The following ABCC10 variants were observed in gnomAD, a reference collection of about 807,000 sequenced individuals.
ABCC10 encodes the protein ATP-binding cassette sub-family C member 10.
Under a neutral mutation model 143.2 loss-of-function variants are expected in ABCC10, and 110 were observed. The ratio of observed to expected loss-of-function variants is 0.77; its 90% CI spans 0.66 to 0.90. The LOEUF is 0.90. ABCC10 is among the 40% of genes least tolerant of loss of function. ABCC10 has a pLI of 0.00. For synonymous variants in ABCC10, 805 were observed against 846.7 expected, an observed-to-expected ratio of 0.95 and a Z score of 0.85; for missense variants, 1,700 against 1,900.5, an observed-to-expected ratio of 0.89 and a Z score of 1.96.
In ABCC10 at chr6:43,432,741, T is replaced by G; in HGVS notation, c.761T>G (p.Leu254Arg). 6.2e-7 allele frequency: 1 copy of G among 1,614,164 alleles called. No individual in the cohort carries two copies. Among genetic ancestry groups the G allele is most frequent in the Non-Finnish European group, 8.5e-7 (1 of 1,180,020 alleles). Residue 254 changes from leucine (L) to arginine (R), a missense_variant, in exon 3 of 22, where the codon CTG becomes CGG. Leu to Arg is a moderately radical substitution (Grantham distance 102). Transcript: ENST00000372530. Reference protein sequence around the residue: ...PQDICRLPHRLQPTYLARVFQ... With the variant: ...PQDICRLPHRRQPTYLARVFQ... Reference sequence around the variant, plus strand: ...GACATTTGCCGCCTCCCCCACAGACTGCAGCCAACCTACCTGGCTCGTGTC... The same window carrying G: ...GACATTTGCCGCCTCCCCCACAGACGGCAGCCAACCTACCTGGCTCGTGTC...
In ABCC10 at chr6:43,446,419, C is replaced by T; in HGVS notation, c.3517C>T (p.Gln1173Ter). 1 of 1,611,946 alleles carries T rather than the reference C, an allele frequency of 6.2e-7. No homozygotes were observed. Among genetic ancestry groups the T allele is most frequent in the Non-Finnish European group, 8.5e-7 (1 of 1,179,698 alleles). Residue 1173 changes from glutamine (Q) to a stop codon, truncating the protein, a stop_gained, in exon 16 of 22, where the codon CAG becomes TAG. Transcript: ENST00000372530. LOFTEE classifies it high-confidence loss of function. ...CGCTATCGCAGGCATCGCTCTGGTG[C>T]AGCACCAGCAGGGCCTCGCTAACCC... ...VSAIAGIALV[Q>*]HQQGLANPGL...
intron 21 of ABCC10, 123 bp from the exon 22 acceptor site, chr6:43,449,806 A>G (rs1003196651): frequency 3.9e-5 from 48 of 1,215,340 alleles, no homozygotes; most frequent in Non-Finnish European, 5.6e-5. Flanking sequence ...GCACCAAGCC[A>G]GGGGCTAAAG....
At chr6:43,438,568 C>T in intron 7 of ABCC10, 56 bp from the exon 8 acceptor site, 1 of 1,590,508 alleles carries the variant, frequency 6.3e-7, no homozygotes, top group Admixed American at 1.7e-5. Context: ...AAGGGCTGGG[C>T]ATGGAGGGAC....
At chr6:43,429,069 T>C (rs1051991903) in intron 2 of ABCC10, among the ~76,000 whole-genome samples, 2 of 152,166 alleles carry the variant, frequency 1.3e-5, no homozygotes, top group African/African-American at 4.8e-5. Flanking sequence ...TCAATAGAAA[T>C]TGTGCTTCAC....
chr6:43,450,765 G>T, downstream of ABCC10: 3 of 1,614,202 alleles, frequency 1.9e-6, no homozygotes, highest in Non-Finnish European at 2.5e-6. The surrounding 1 kb of genome is among the most constrained non-coding windows in gnomAD (Gnocchi z 4.5). Flanking sequence ...CACCACCAGG[G>T]CCACCAAGCT....
chr6:43,430,087 G>GA (rs944969591), intron 2 of ABCC10, among the ~76,000 whole-genome samples: 1 of 151,132 alleles, frequency 6.6e-6, no homozygotes, highest in Non-Finnish European at 1.5e-5. Flanking sequence ...GCCAGAAATA[G>GA]AAAAAAATTT....
chr6:43,438,465 G>C, intron 7 of ABCC10, 159 bp from the exon 8 acceptor site: 11 of 1,434,998 alleles, frequency 7.7e-6, no homozygotes, highest in Non-Finnish European at 1.0e-5. Context: ...GCTTCATTAG[G>C]ACCCCTTGAC....
chr6:43,444,366 C>A lies in ABCC10; in HGVS notation c.2689+13C>A. On this transcript the variant is annotated intron_variant, in intron 12 of 21. Transcript: ENST00000372530. ...CTTCTCATGCAAGGTGAGAGCGTGC[C>A]TGGGAGTCTCTTACATCGTAACGGC... The A allele has an allele frequency of 6.3e-7, 1 of 1,588,736 alleles. No individual in the cohort carries two copies. Among genetic ancestry groups the A allele is most frequent in the South Asian group, 1.1e-5 (1 of 87,284 alleles).
chr6:43,450,557 T>G, downstream of ABCC10: 1 of 1,566,300 alleles, frequency 6.4e-7, no homozygotes, highest in Non-Finnish European at 8.7e-7. This position sits in a 1 kb window ranked among gnomAD's most constrained non-coding sequence, Gnocchi z 4.5. Context: ...CTGTGGTCTT[T>G]CCAGGCTCAG....
chr6:43,429,346 TTTCTTTTC>T (rs1780846471), intron 2 of ABCC10, among the ~76,000 whole-genome samples: 2 of 71,402 alleles, frequency 2.8e-5, no homozygotes, highest in African/African-American at 1.0e-4. Context: ...CTTTTCCTTC[TTTCTTTTC>T]TTTCTTTCTT....
chr6:43,428,271 A>G (rs1196605064), intron 2 of ABCC10, 132 bp downstream of exon 2: 8 of 1,080,038 alleles, frequency 7.4e-6, no homozygotes, highest in Non-Finnish European at 1.0e-5. Context: ...AAATCTAAGC[A>G]TTGCTACTTA....
At position 43,444,874 on chromosome 6, in the gene ABCC10, A is replaced by ACCAGC; in HGVS notation, c.2782_2786dup (p.Ser930GlnfsTer50). ...TAGCTCCCAGGAGGCGCAACCCTCCACCAGCCCAGCTTCTATGGGGCTCTT... is the reference window on the plus strand; with the variant it reads ...TAGCTCCCAGGAGGCGCAACCCTCCACCAGCCCAGCCCAGCTTCTATGGGGCTCTT... On this transcript the variant is annotated frameshift_variant, in exon 13 of 22. Transcript: ENST00000372530. LOFTEE classifies it high-confidence loss of function. 1 of 1,613,914 alleles carries ACCAGC rather than the reference A, an allele frequency of 6.2e-7. No individual in the cohort carries two copies. Among genetic ancestry groups the ACCAGC allele is most frequent in the Non-Finnish European group, 8.5e-7 (1 of 1,179,934 alleles).
chr6:43,450,442 C>G (rs997782986), downstream of ABCC10: 8 of 1,376,582 alleles, frequency 5.8e-6, no homozygotes, highest in Middle Eastern at 2.4e-4. The surrounding 1 kb of genome is among the most constrained non-coding windows in gnomAD (Gnocchi z 4.5). Flanking sequence ...GAGGTCTCCT[C>G]TGTGTGTGTA....
At position 43,432,362 on chromosome 6, in the gene ABCC10, G is replaced by A; in HGVS notation, c.382G>A (p.Gly128Ser). ...GTGGGTGTTGGCACATTCCCCTCAT[G>A]GCCACTCCCGGGGTCCCTTGGCCTT... ...ALWVLAHSPH[G>S]HSRGPLALAL... Residue 128 changes from glycine to serine, a missense_variant, in exon 3 of 22, where the codon GGC (glycine) becomes AGC (serine). By Grantham distance (56) the Gly-to-Ser change is moderately conservative. Transcript: ENST00000372530. The A allele has an allele frequency of 6.2e-7, 1 of 1,613,480 alleles. No individual in the cohort carries two copies. The highest frequency in any genetic ancestry group is 2.2e-5 in the East Asian group (1 of 44,884).
chr6:43,446,405 G>T lies in ABCC10; in HGVS notation c.3503G>T (p.Gly1168Val). 1 of 1,612,506 alleles carries T rather than the reference G, an allele frequency of 6.2e-7. No individual in the cohort carries two copies. Among genetic ancestry groups the T allele is most frequent in the Non-Finnish European group, 8.5e-7 (1 of 1,179,822 alleles). ...GCGGCAGTGGTCAGCGCTATCGCAGGCATCGCTCTGGTGCAGCACCAGCAG... is the reference window on the plus strand; with the variant it reads ...GCGGCAGTGGTCAGCGCTATCGCAGTCATCGCTCTGGTGCAGCACCAGCAG... The part of the protein sequence containing the change: ...MGAAVVSAIA[G>V]IALVQHQQGL... The change falls in exon 16 of 22, where the codon GGC becomes GTC. Residue 1168 changes from glycine (G) to valine (V), a missense_variant. By Grantham distance (109) the Gly-to-Val change is moderately radical. Coordinates refer to ENST00000372530, the MANE Select transcript of ABCC10 (RefSeq NM_001198934.2).
chr6:43,432,017 G>C (rs749914618), intron 2 of ABCC10, 125 bp from the exon 3 acceptor site: 30 of 1,470,640 alleles, frequency 2.0e-5, no homozygotes, highest in African/African-American at 4.3e-5. Context: ...AAGTGGAGTA[G>C]GGATAAGATG....
At chr6:43,447,224 G>A (rs1402451735) in intron 16 of ABCC10, 24 bp from the exon 17 acceptor site, 4 of 1,606,354 alleles carry the variant, frequency 2.5e-6, no homozygotes, top group East Asian at 2.2e-5. Flanking sequence ...AGCTCTCCCA[G>A]CAGCTGGTAC....
At chr6:43,448,048 A>G in intron 18 of ABCC10, 111 bp downstream of exon 18, 2 of 1,511,648 alleles carry the variant, frequency 1.3e-6, no homozygotes, top group Non-Finnish European at 1.8e-6. Context: ...AGGGCTGATC[A>G]GGGGGCTGAA....
chr6:43,443,044 G>A lies in ABCC10; in HGVS notation c.2301G>A (p.Arg767=). ...DADVANHLLH[R]CILGMLSYTT... Reference sequence around the variant, plus strand: ...ATGTGGCCAACCACCTGCTGCACAGGTGCATCCTGGGCATGCTGAGCTACA... The same window carrying A: ...ATGTGGCCAACCACCTGCTGCACAGATGCATCCTGGGCATGCTGAGCTACA... Residue 767 remains arginine (R), a synonymous_variant, in exon 10 of 22, where the codon AGG becomes AGA. Transcript: ENST00000372530. The surrounding 1 kb of genome is among the most constrained non-coding windows in gnomAD (Gnocchi z 4.2). The A allele has an allele frequency of 1.2e-6, 2 of 1,613,224 alleles. No homozygotes were observed. The highest frequency in any genetic ancestry group is 1.7e-6 in the Non-Finnish European group (2 of 1,179,904).
Sources: gnomAD v4.1 joint callset for allele counts (sites outside exome capture counted in the v4.1 genomes callset) on GRCh38, gnomAD v4.1.1 for gene constraint, Gnocchi (gnomAD v3.1) non-coding constraint, MANE v1.5 for transcripts, NCBI Gene and HGNC (gene_info 2026-07-23, HGNC 2026-07-21) for gene names.